The following TNFRSF1A variants were observed in gnomAD, a reference collection of about 807,000 sequenced individuals.
TNFRSF1A encodes TNF receptor superfamily member 1A.
Under a neutral mutation model 41.6 loss-of-function variants are expected in TNFRSF1A, and 9 were observed. The observed-to-expected ratio is 0.22, with a 90% CI of 0.13 to 0.38. The LOEUF is 0.38. TNFRSF1A is among the 10% of genes least tolerant of loss of function. TNFRSF1A has a pLI of 1.00. For missense variants in TNFRSF1A, 463 were observed against 591.5 expected, an observed-to-expected ratio of 0.78 and a Z score of 2.25; for synonymous variants, 254 against 248.6, an observed-to-expected ratio of 1.02 and a Z score of -0.21.
In TNFRSF1A at chr12:6,329,177, C is replaced by T. The variant is rs200105751; in HGVS notation, c.*135G>A. The T allele has an allele frequency of 1.2e-6, 1 of 842,454 alleles. No individual in the cohort carries two copies. Among genetic ancestry groups the T allele is most frequent in the Non-Finnish European group, 1.7e-6 (1 of 587,760 alleles). 52.2% of individuals were successfully genotyped at this position (842,454 alleles called of 1,614,324 possible). On this transcript the variant is annotated 3_prime_UTR_variant, in exon 10 of 10. Coordinates refer to ENST00000162749, the MANE Select transcript of TNFRSF1A (RefSeq NM_001065.4). ...GCAGGCAGCTGAGAAAAGCTATGTA[C>T]ATCGAGGGGTTAGCACCAAGTAGGC...
intron 1 of TNFRSF1A, among the ~76,000 whole-genome samples, chr12:6,339,841 TCACACACACACA>T (rs57599695): frequency 2.5e-4 from 28 of 113,650 alleles, no homozygotes; most frequent in East Asian, 6.6e-4. Flanking sequence ...TCTCTCTCTC[TCACACACACACA>T]CACACACACA....
chr12:6,329,347 C>T lies in TNFRSF1A; in HGVS notation c.1333G>A (p.Ala445Thr). 1 of 1,479,810 alleles carries T rather than the reference C, an allele frequency of 6.8e-7. No homozygotes were observed. Among genetic ancestry groups the T allele is most frequent in the South Asian group, 1.4e-5 (1 of 72,122 alleles). 91.7% of individuals were successfully genotyped at this position (1,479,810 alleles called of 1,614,324 possible). Residue 445 changes from alanine to threonine, a missense_variant, in exon 10 of 10, where the codon GCC becomes ACC. By Grantham distance (58) the Ala-to-Thr change is moderately conservative. Coordinates refer to ENST00000162749, the MANE Select transcript of TNFRSF1A (RefSeq NM_001065.4). ...EDIEEALCGPAALPPAPSLLR is the reference protein window; with the variant it reads ...EDIEEALCGPTALPPAPSLLR The stretch of plus-strand genomic sequence containing the variant: ...AGACTGGGCGCGGGCGGGAGGGCGG[C>T]GGGGCCGCAAAGCGCCTCCTCGATG...
rs1351578675 is a variant in TNFRSF1A at position 6,333,270 on chromosome 12, AATACAGG to A, written c.472+90_472+96del. 1 of 1,556,412 alleles carries A rather than the reference AATACAGG, an allele frequency of 6.4e-7. No individual in the cohort carries two copies. Among genetic ancestry groups the A allele is most frequent in the Non-Finnish European group, 8.8e-7 (1 of 1,140,216 alleles). Reference sequence around the variant, plus strand: ...GAGGAGTTGGTTGTCAGACCCACAGAATACAGGAGGGGGAAGGAAAGGAAGTGCCACC... The same window carrying A: ...GAGGAGTTGGTTGTCAGACCCACAGAAGGGGGAAGGAAAGGAAGTGCCACC... On this transcript the variant is annotated intron_variant, in intron 4 of 9. Transcript: ENST00000162749. This position sits in a 1 kb window ranked among gnomAD's most constrained non-coding sequence, Gnocchi z 6.3.
At chr12:6,339,835 TCTCTCTCACACACACA>T (rs762219054) in intron 1 of TNFRSF1A, among the ~76,000 whole-genome samples, 5 of 130,450 alleles carry the variant, frequency 3.8e-5, no homozygotes, top group East Asian at 2.0e-4. Context: ...TCTCTCTCTC[TCTCTCTCACACACACA>T]CACACACACA....
intron 1 of TNFRSF1A, among the ~76,000 whole-genome samples, chr12:6,339,489 G>A (rs1948160259): frequency 6.6e-6 from 1 of 152,194 alleles, no homozygotes; most frequent in African/African-American, 2.4e-5. Context: ...TACAGGGAGT[G>A]CTGCAGTTGC....
At position 6,329,590 on chromosome 12, in the gene TNFRSF1A, C is replaced by G; in HGVS notation, c.1090G>C (p.Glu364Gln). 6.3e-7 allele frequency: 1 copy of G among 1,592,970 alleles called. No individual in the cohort carries two copies. The highest frequency in any genetic ancestry group is 8.5e-7 in the Non-Finnish European group (1 of 1,175,238). The part of the protein sequence containing the change: ...DDPATLYAVV[E>Q]NVPPLRWKEF... ...TTCCAGCGCAACGGGGGCACGTTCT[C>G]CACCACGGCGTACAGCGTCGCGGGG... Residue 364 changes from glutamate to glutamine, a missense_variant, in exon 10 of 10, where the codon GAG becomes CAG. Coordinates refer to ENST00000162749, the MANE Select transcript of TNFRSF1A (RefSeq NM_001065.4).
Position 6,333,001 on chromosome 12 carries a change from G to T in TNFRSF1A, c.551+68C>A. ...CCTGGCATCTGTTGCCCAGCTAATGGTTCCCACCAGTCACCCGTCCCAACC... is the reference window on the plus strand; with the variant it reads ...CCTGGCATCTGTTGCCCAGCTAATGTTTCCCACCAGTCACCCGTCCCAACC... On this transcript the variant is annotated intron_variant, in intron 5 of 9. Coordinates refer to ENST00000162749, the MANE Select transcript of TNFRSF1A (RefSeq NM_001065.4). This position sits in a 1 kb window ranked among gnomAD's most constrained non-coding sequence, Gnocchi z 6.3. 7 of 1,446,200 alleles carry T rather than the reference G, an allele frequency of 4.8e-6. No homozygotes were observed. Among genetic ancestry groups the T allele is most frequent in the Non-Finnish European group, 6.8e-6 (7 of 1,028,430 alleles). 89.6% of individuals were successfully genotyped at this position (1,446,200 alleles called of 1,614,324 possible).
intron 1 of TNFRSF1A, among the ~76,000 whole-genome samples, chr12:6,340,883 G>A (rs1948186419): frequency 6.6e-6 from 1 of 152,194 alleles, no homozygotes; most frequent in Non-Finnish European, 1.5e-5. Context: ...GCCAGAGAAA[G>A]GGACATTTTC....
chr12:6,333,286 G>A lies in TNFRSF1A; in HGVS notation c.472+81C>T. The A allele has an allele frequency of 6.4e-7, 1 of 1,571,060 alleles. No homozygotes were observed. The highest frequency in any genetic ancestry group is 8.7e-7 in the Non-Finnish European group (1 of 1,152,676). On this transcript the variant is annotated intron_variant, in intron 4 of 9. Coordinates refer to ENST00000162749, the MANE Select transcript of TNFRSF1A (RefSeq NM_001065.4). The surrounding 1 kb of genome is among the most constrained non-coding windows in gnomAD (Gnocchi z 6.3). Reference sequence around the variant, plus strand: ...GACCCACAGAATACAGGAGGGGGAAGGAAAGGAAGTGCCACCGCATGGGGA... The same window carrying A: ...GACCCACAGAATACAGGAGGGGGAAAGAAAGGAAGTGCCACCGCATGGGGA...
In TNFRSF1A at chr12:6,331,159, A is replaced by G. The variant is rs1255957123; in HGVS notation, c.552-233T>C. 7.0e-6 allele frequency: 4 copies of G among 574,350 alleles called. No homozygotes were observed. In the Admixed American group the frequency reaches 1.1e-4, roughly 16 times the overall value. 35.6% of individuals were successfully genotyped at this position (574,350 alleles called of 1,614,324 possible). ...TGTGTAGAAAATGTGAAAAGCAGTC[A>G]GGGTCAGGGTGTAAATTCCAGTTCA... is the stretch of plus-strand genomic sequence containing the variant. On this transcript the variant is annotated intron_variant, in intron 5 of 9. Transcript: ENST00000162749.
At position 6,329,360 on chromosome 12, in the gene TNFRSF1A, C is replaced by G; in HGVS notation, c.1320G>C (p.Ala440=). 6.7e-7 allele frequency: 1 copy of G among 1,492,280 alleles called. No homozygotes were observed. Among genetic ancestry groups the G allele is most frequent in the Non-Finnish European group, 8.8e-7 (1 of 1,130,410 alleles). 92.4% of individuals were successfully genotyped at this position (1,492,280 alleles called of 1,614,324 possible). The part of the protein sequence containing the change: ...LLGCLEDIEE[A]LCGPAALPPA... ...GCGGGAGGGCGGCGGGGCCGCAAAGCGCCTCCTCGATGTCCTCCAGGCAGC... is the reference window on the plus strand; with the variant it reads ...GCGGGAGGGCGGCGGGGCCGCAAAGGGCCTCCTCGATGTCCTCCAGGCAGC... Residue 440 remains alanine (A), a synonymous_variant, in exon 10 of 10, where the codon GCG becomes GCC. Coordinates refer to ENST00000162749, the MANE Select transcript of TNFRSF1A (RefSeq NM_001065.4).
At position 6,341,778 on chromosome 12, in the gene TNFRSF1A, G is replaced by A. The variant is rs757652942; in HGVS notation, c.37C>T (p.Leu13=). 1.2e-5 allele frequency: 20 copies of A among 1,614,006 alleles called. No homozygotes were observed. Among genetic ancestry groups the A allele is most frequent in the Non-Finnish European group, 1.6e-5 (19 of 1,179,898 alleles). Residue 13 remains leucine, a splice_region_variant and synonymous_variant, in exon 1 of 10, where the codon CTG becomes TTG. Coordinates refer to ENST00000162749, the MANE Select transcript of TNFRSF1A (RefSeq NM_001065.4). The surrounding 1 kb of genome is among the most constrained non-coding windows in gnomAD (Gnocchi z 4.6). ...CTTCCCTTTGTCCCTGGTCTCACCA[G>A]TGGCAGCAGCAGGTCAGGCACGGTG... ...LSTVPDLLLP[L]VLLELLVGIY...
Position 6,341,919 on chromosome 12 carries a change from G to T in TNFRSF1A, c.-105C>A. The T allele has an allele frequency of 8.0e-7, 1 of 1,244,138 alleles. No homozygotes were observed. The highest frequency in any genetic ancestry group is 1.2e-6 in the Non-Finnish European group (1 of 851,538). The allele number at this position is 1,244,138 out of a possible 1,614,324, so 77.1% of individuals were successfully genotyped here. A position where few individuals can be genotyped will look rare whatever the true frequency, so the allele number is the denominator to read the frequency against. On this transcript the variant is annotated 5_prime_UTR_variant, in exon 1 of 10. Transcript: ENST00000162749. This position sits in a 1 kb window ranked among gnomAD's most constrained non-coding sequence, Gnocchi z 4.6. ...TCGGTCTGTCCAGGACGTCCCAAGT[G>T]CCTTGGGGTGACAGTTGAGGGTTGA...
chr12:6,329,699 T>A, intron 9 of TNFRSF1A, 77 bp from the exon 10 acceptor site: 1 of 1,530,054 alleles, frequency 6.5e-7, no homozygotes, highest in Non-Finnish European at 8.8e-7. Flanking sequence ...CCGCCTCTCG[T>A]GGTCCCCTCT....
At chr12:6,338,366 G>C (rs1024082523) in intron 1 of TNFRSF1A, among the ~76,000 whole-genome samples, 2 of 151,980 alleles carry the variant, frequency 1.3e-5, no homozygotes, top group Non-Finnish European at 2.9e-5. Context: ...GGTCCTCTCC[G>C]CATTCCTGGG....
At chr12:6,338,161 AC>A (rs1948143603) in intron 1 of TNFRSF1A, among the ~76,000 whole-genome samples, 1 of 152,272 alleles carries the variant, frequency 6.6e-6, no homozygotes, top group Admixed American at 6.5e-5. Flanking sequence ...GCACCCTTCC[AC>A]ATGACCATTT....
chr12:6,329,517 A>T lies in TNFRSF1A; in HGVS notation c.1163T>A (p.Leu388Gln). 6.3e-7 allele frequency: 1 copy of T among 1,595,230 alleles called. No individual in the cohort carries two copies. The highest frequency in any genetic ancestry group is 8.5e-7 in the Non-Finnish European group (1 of 1,178,090). The change falls in exon 10 of 10, where the codon CTG (leucine) becomes CAG (glutamine). Residue 388 changes from leucine (L) to glutamine (Q), a missense_variant. Coordinates refer to ENST00000162749, the MANE Select transcript of TNFRSF1A (RefSeq NM_001065.4). ...LGLSDHEIDR[L>Q]ELQNGRCLRE... Reference sequence around the variant, plus strand: ...CAGGCAGCGCCCGTTCTGCAGCTCCAGCCGATCGATCTCGTGGTCGCTCAG... The same window carrying T: ...CAGGCAGCGCCCGTTCTGCAGCTCCTGCCGATCGATCTCGTGGTCGCTCAG...
chr12:6,340,416 C>T (rs898895379), intron 1 of TNFRSF1A, among the ~76,000 whole-genome samples: 2 of 152,140 alleles, frequency 1.3e-5, no homozygotes, highest in Non-Finnish European at 2.9e-5. Flanking sequence ...CAGGGGCCGC[C>T]CCCAAACAGA....
At chr12:6,331,101 T>C (rs1434784457) in intron 5 of TNFRSF1A, 175 bp from the exon 6 acceptor site, 20 of 666,350 alleles carry the variant, frequency 3.0e-5, no homozygotes, top group Non-Finnish European at 4.6e-5. Flanking sequence ...TAGAATCATT[T>C]AATTTTAGAA....
Sources: gnomAD v4.1 joint callset for allele counts (sites outside exome capture counted in the v4.1 genomes callset) on GRCh38, gnomAD v4.1.1 for gene constraint, Gnocchi (gnomAD v3.1) non-coding constraint, MANE v1.5 for transcripts, NCBI Gene and HGNC (gene_info 2026-07-23, HGNC 2026-07-21) for gene names.